Variants in BRWD3 observed in about 807,000 individuals in gnomAD.
BRWD3 encodes the protein bromodomain and WD repeat domain containing 3, also known as bromodomain and WD repeat-containing protein 3.
In BRWD3, 10 loss-of-function variants were observed where a neutral mutation model predicts 149.7. The ratio of observed to expected loss-of-function variants is 0.07; its 90% CI spans 0.04 to 0.11. The LOEUF (loss-of-function observed/expected upper bound fraction) is 0.11, where lower values mean the gene tolerates loss of function less well. BRWD3 is among the 10% of genes least tolerant of loss of function. The probability of loss-of-function intolerance (pLI) is 1.00; values close to 1 mark genes in which losing one functional copy is unlikely to be tolerated. For synonymous variants in BRWD3, 504 were observed against 456.7 expected (o/e 1.10, Z -1.32); for missense variants, 940 against 1,373.2 (o/e 0.68, Z 4.99).
intron 6 of BRWD3, among the ~76,000 whole-genome samples, chrX:80,767,152 CT>C (rs1415282778): frequency 8.9e-6 from 1 of 112,271 alleles, no homozygotes; most frequent in Non-Finnish European, 1.9e-5. Context: ...CAAGAAACTT[CT>C]GCACAGGTAA....
At chrX:80,777,072 C>CAA (rs565895344) in intron 6 of BRWD3, among the ~76,000 whole-genome samples, 9,506 of 96,922 alleles carry the variant, frequency 0.098, 402 homozygotes, top group South Asian at 0.16. Context: ...TATGCTTAAA[C>CAA]AAAAAAAAAA....
At chrX:80,788,833 C>T (rs1249891803) in intron 6 of BRWD3, among the ~76,000 whole-genome samples, 1 of 111,748 alleles carries the variant, frequency 8.9e-6, no homozygotes, top group Non-Finnish European at 1.9e-5. Flanking sequence ...TAAGTGAAAT[C>T]AGACAGACAT....
intron 8 of BRWD3, among the ~76,000 whole-genome samples, chrX:80,741,993 T>C (rs745616197): frequency 8.9e-6 from 1 of 111,874 alleles, no homozygotes; most frequent in East Asian, 2.8e-4. Flanking sequence ...CCCATGCCTA[T>C]GTCCTGAATG....
Position 80,740,639 on chromosome X carries a change from C to T in BRWD3, c.813+3393G>A, listed in dbSNP as rs764797632. Reference sequence around the variant, plus strand: ...TGGCGCATGCCGGTAGTACCAGCTACTCAGGAGGTGGAGGTGGGAAGATCA... The same window carrying T: ...TGGCGCATGCCGGTAGTACCAGCTATTCAGGAGGTGGAGGTGGGAAGATCA... On this transcript the variant is annotated intron_variant, in intron 8 of 40. Coordinates refer to ENST00000373275, the MANE Select transcript of BRWD3 (RefSeq NM_153252.5). 9.7e-4 allele frequency among the ~76,000 whole-genome samples: 108 copies of T among 111,816 alleles called. 1 individual carries two copies. The highest frequency in any genetic ancestry group is 3.0e-3 in the South Asian group (8 of 2,678).
chrX:80,764,331 A>G (rs1047692551), intron 6 of BRWD3, among the ~76,000 whole-genome samples: 1 of 111,779 alleles, frequency 8.9e-6, no homozygotes, highest in Non-Finnish European at 1.9e-5. Flanking sequence ...TTAGAGACGG[A>G]GTCTCGCTCT....
intron 8 of BRWD3, among the ~76,000 whole-genome samples, chrX:80,741,801 T>C (rs1416560182): frequency 1.8e-5 from 2 of 112,140 alleles, no homozygotes; most frequent in Non-Finnish European, 3.8e-5. Flanking sequence ...TTGTAGATTC[T>C]GGATATTAGC....
At chrX:80,802,396 C>T (rs915625804) in intron 4 of BRWD3, among the ~76,000 whole-genome samples, 3 of 96,165 alleles carry the variant, frequency 3.1e-5, no homozygotes, top group Non-Finnish European at 4.1e-5. Context: ...GAGCCAAGAT[C>T]GCACCACTGC....
chrX:80,792,714 T>G (rs1193848468), intron 5 of BRWD3, among the ~76,000 whole-genome samples: 2 of 111,533 alleles, frequency 1.8e-5, no homozygotes, highest in Admixed American at 1.9e-4. Context: ...CTGCTATACC[T>G]TAAGTATTTA....
chrX:80,808,019 G>T (rs2147874445), intron 4 of BRWD3, among the ~76,000 whole-genome samples: 1 of 107,613 alleles, frequency 9.3e-6, no homozygotes, highest in African/African-American at 3.4e-5. Context: ...TCCCTGGTCC[G>T]TCAATTCCCC....
intron 34 of BRWD3, among the ~76,000 whole-genome samples, chrX:80,687,375 T>C (rs2072544506): frequency 1.8e-5 from 2 of 111,628 alleles, no homozygotes; most frequent in Non-Finnish European, 3.8e-5. Context: ...AAAAGAACAC[T>C]TGAATGATTT....
intron 6 of BRWD3, among the ~76,000 whole-genome samples, chrX:80,790,887 A>T (rs759841142): frequency 1.8e-5 from 2 of 111,975 alleles, no homozygotes; most frequent in Non-Finnish European, 3.8e-5. Flanking sequence ...TGGTGGATAA[A>T]CAAACAACTC....
chrX:80,796,132 TG>T (rs2074236622), intron 4 of BRWD3, among the ~76,000 whole-genome samples: 1 of 107,465 alleles, frequency 9.3e-6, no homozygotes, highest in Non-Finnish European at 1.9e-5. Context: ...TCAATGTTTT[TG>T]TTTTTTTTTT....
intron 6 of BRWD3, among the ~76,000 whole-genome samples, chrX:80,783,879 T>A (rs1380678844): frequency 9.0e-6 from 1 of 111,102 alleles, no homozygotes; most frequent in Non-Finnish European, 1.9e-5. Flanking sequence ...ATTAAAACAA[T>A]TAAACTCATG....
chrX:80,708,164 G>A (rs1330229135), intron 21 of BRWD3, among the ~76,000 whole-genome samples: 1 of 111,785 alleles, frequency 8.9e-6, no homozygotes, highest in African/African-American at 3.3e-5. Flanking sequence ...GGAAGGCCAA[G>A]GCAGGCAGAT....
At chrX:80,760,743 A>T (rs774577216) in intron 6 of BRWD3, among the ~76,000 whole-genome samples, 1 of 111,793 alleles carries the variant, frequency 8.9e-6, no homozygotes, top group Non-Finnish European at 1.9e-5. Flanking sequence ...TTCTTTTCTT[A>T]CTTTCTTTCT....
At chrX:80,787,347 G>A (rs1486745768) in intron 6 of BRWD3, among the ~76,000 whole-genome samples, 1 of 111,421 alleles carries the variant, frequency 9.0e-6, no homozygotes. Flanking sequence ...CTTCTTTTTG[G>A]GGAAATTGAG....
chrX:80,728,952 A>T, intron 13 of BRWD3, 47 bp from the exon 14 acceptor site: 1 of 1,108,890 alleles, frequency 9.0e-7, no homozygotes, highest in Non-Finnish European at 1.2e-6. Context: ...ATTTTTGACA[A>T]AGGTGCATGT....
chrX:80,725,071 T>A lies in BRWD3; in HGVS notation c.1387-4A>T, dbSNP rs781091157. The A allele has an allele frequency of 1.7e-6, 2 of 1,206,987 alleles. No individual in the cohort carries two copies. The highest frequency in any genetic ancestry group is 1.8e-5 in the South Asian group (1 of 56,875). ...CGAATACTTCATCATCATGTCCCTA[T>A]AATAAAAATCAGTATTAACAATGAA... On this transcript the variant is annotated splice_polypyrimidine_tract_variant and splice_region_variant and intron_variant, in intron 14 of 40. Transcript: ENST00000373275.
intron 33 of BRWD3, among the ~76,000 whole-genome samples, chrX:80,689,093 T>C (rs2147688532): frequency 9.0e-6 from 1 of 111,501 alleles, no homozygotes; most frequent in Non-Finnish European, 1.9e-5. Context: ...CAATCTAGCA[T>C]ATGTGAGTCA....
Sources: gnomAD v4.1 joint callset for allele counts (sites outside exome capture counted in the v4.1 genomes callset) on GRCh38, gnomAD v4.1.1 for gene constraint, MANE v1.5 for transcripts, NCBI Gene and HGNC (gene_info 2026-07-23, HGNC 2026-07-21) for gene names.